The following TESC variants were observed in gnomAD, a reference collection of about 807,000 sequenced individuals.
TESC encodes the protein tescalcin.
A neutral mutation model predicts 31.0 loss-of-function variants in TESC; 19 were observed. The ratio of observed to expected loss-of-function variants is 0.61; its 90% CI spans 0.43 to 0.90. TESC has a LOEUF of 0.90. Ranked by LOEUF, TESC falls within the 40% of genes least tolerant of loss-of-function variation. TESC has a pLI of 0.00. For missense variants in TESC, 248 were observed against 303.8 expected (o/e 0.82, Z 1.36); for synonymous variants, 109 against 114.8 (o/e 0.95, Z 0.32).
At chr12:117,058,887 T>C (rs1007739257) in intron 2 of TESC, among the ~76,000 whole-genome samples, 1 of 152,072 alleles carries the variant, frequency 6.6e-6, no homozygotes, top group African/African-American at 2.4e-5. Context: ...AGCCACTCCC[T>C]CACCTGCCTG....
At chr12:117,093,961 G>A (rs1955355020) in intron 1 of TESC, among the ~76,000 whole-genome samples, 1 of 151,954 alleles carries the variant, frequency 6.6e-6, no homozygotes, top group African/African-American at 2.4e-5. Flanking sequence ...CAGGAAGTGG[G>A]GCCAGCTCAA....
Position 117,056,811 on chromosome 12 carries a change from G to C in TESC, c.204C>G (p.Asp68Glu). The C allele has an allele frequency of 6.2e-7, 1 of 1,614,182 alleles. No homozygotes were observed. ...GTTCAGGGGAAAACGCCCACCTGTT[G>C]TCGAAGAAGGCACGAACAATTTTGG... ...IRSKIVRAFF[D>E]NRNLRKGPSG... Residue 68 changes from aspartate (D) to glutamate (E), a missense_variant, in exon 3 of 8, where the codon GAC becomes GAG. Physicochemically the swap from Asp to Glu is conservative, Grantham distance 45. Coordinates refer to ENST00000335209, the MANE Select transcript of TESC (RefSeq NM_017899.4).
Position 117,075,360 on chromosome 12 carries a change from G to C in TESC, c.59-20C>G. ...ATGAGACTGAGAAGTGGGGGAAAGAGAGAAAAACAAGACAGAAAAAAAAAT... is the reference window on the plus strand; with the variant it reads ...ATGAGACTGAGAAGTGGGGGAAAGACAGAAAAACAAGACAGAAAAAAAAAT... On this transcript the variant is annotated intron_variant, in intron 1 of 7. Coordinates refer to ENST00000335209, the MANE Select transcript of TESC (RefSeq NM_017899.4). 2 of 1,604,298 alleles carry C rather than the reference G, an allele frequency of 1.2e-6. No individual in the cohort carries two copies. Among genetic ancestry groups the C allele is most frequent in the Admixed American group, 1.7e-5 (1 of 59,816 alleles).
intron 7 of TESC, among the ~76,000 whole-genome samples, chr12:117,041,201 A>G (rs1954478718): frequency 6.6e-6 from 1 of 152,216 alleles, no homozygotes. Flanking sequence ...CGGCCGCTTT[A>G]CGAAAGTGTC....
chr12:117,060,430 C>G (rs182027541), intron 2 of TESC, among the ~76,000 whole-genome samples: 1 of 152,154 alleles, frequency 6.6e-6, no homozygotes, highest in African/African-American at 2.4e-5. Flanking sequence ...CCTCACTGCT[C>G]GGAGACAGCT....
In TESC at chr12:117,099,310, C is replaced by A; in HGVS notation, c.-28G>T. 1 of 1,420,994 alleles carries A rather than the reference C, an allele frequency of 7.0e-7. No individual in the cohort carries two copies. Among genetic ancestry groups the A allele is most frequent in the South Asian group, 1.4e-5 (1 of 70,152 alleles). The allele number at this position is 1,420,994 out of a possible 1,614,324, so 88.0% of individuals were successfully genotyped here. A position where few individuals can be genotyped will look rare whatever the true frequency, so the allele number is the denominator to read the frequency against. On this transcript the variant is annotated 5_prime_UTR_variant, in exon 1 of 8. Coordinates refer to ENST00000335209, the MANE Select transcript of TESC (RefSeq NM_017899.4). Reference sequence around the variant, plus strand: ...TGCCCGCGGCGGGGGCCCCGGGGCGCGCGTCCCTCTCAGGCCCCGCACTGG... The same window carrying A: ...TGCCCGCGGCGGGGGCCCCGGGGCGAGCGTCCCTCTCAGGCCCCGCACTGG...
chr12:117,086,879 G>A (rs141745579), intron 1 of TESC, among the ~76,000 whole-genome samples: 1 of 152,352 alleles, frequency 6.6e-6, no homozygotes, highest in East Asian at 1.9e-4. Context: ...TGTTCCCTAA[G>A]TAATCCTGTG....
chr12:117,069,019 GA>G (rs1423929683), intron 2 of TESC, among the ~76,000 whole-genome samples: 1 of 152,152 alleles, frequency 6.6e-6, no homozygotes, highest in Non-Finnish European at 1.5e-5. Context: ...CTGCTAGATG[GA>G]AAATTTCTGA....
At chr12:117,045,658 T>G (rs1954547084) in intron 6 of TESC, among the ~76,000 whole-genome samples, 1 of 152,174 alleles carries the variant, frequency 6.6e-6, no homozygotes, top group East Asian at 1.9e-4. Context: ...CTCATGTCCC[T>G]CAAGGACAGG....
chr12:117,050,161 T>G (rs1411800430), intron 3 of TESC, among the ~76,000 whole-genome samples: 1 of 152,008 alleles, frequency 6.6e-6, no homozygotes, highest in South Asian at 2.1e-4. Context: ...AGTCGAATAG[T>G]ATTTCATGAC....
intron 2 of TESC, among the ~76,000 whole-genome samples, chr12:117,065,093 G>A (rs1954857085): frequency 1.3e-5 from 2 of 152,238 alleles, no homozygotes. Context: ...ACACTGAGAG[G>A]CCTCAGCGGA....
rs768015810 is a variant in TESC at position 117,048,847 on chromosome 12, G to A, written c.349+172C>T. The A allele has an allele frequency of 5.9e-5, 60 of 1,013,354 alleles. No individual in the cohort carries two copies. In the African/African-American group the frequency reaches 6.0e-4, roughly 10 times the overall value. The allele number at this position is 1,013,354 out of a possible 1,614,324, so 62.8% of individuals were successfully genotyped here. A position where few individuals can be genotyped will look rare whatever the true frequency, so the allele number is the denominator to read the frequency against. The stretch of plus-strand genomic sequence containing the variant: ...TGTTTAGGATGAAGGTGCCGGGAAC[G>A]GGAGACAGCAATGCCAGCCTCACAG... On this transcript the variant is annotated intron_variant, in intron 4 of 7. Transcript: ENST00000335209.
At chr12:117,089,028 C>A (rs990337468) in intron 1 of TESC, among the ~76,000 whole-genome samples, 6 of 152,202 alleles carry the variant, frequency 3.9e-5, no homozygotes, top group Admixed American at 1.3e-4. Flanking sequence ...CTCTAAAAAG[C>A]TGAAATACAA....
At chr12:117,091,227 C>A (rs12371881) in intron 1 of TESC, among the ~76,000 whole-genome samples, 22,569 of 152,246 alleles carry the variant, frequency 0.15, 1,813 homozygotes, top group Middle Eastern at 0.21. Context: ...GGCCCTCACC[C>A]TGTACAGTCA....
At chr12:117,090,656 C>G (rs12231268) in intron 1 of TESC, among the ~76,000 whole-genome samples, 34,429 of 152,136 alleles carry the variant, frequency 0.23, 4,705 homozygotes, top group African/African-American at 0.39. Context: ...AAACCCACAT[C>G]TATCTGCTGG....
chr12:117,097,707 G>A (rs147377226), intron 1 of TESC, among the ~76,000 whole-genome samples: 10 of 152,078 alleles, frequency 6.6e-5, no homozygotes, highest in East Asian at 1.9e-4. Flanking sequence ...AAACGTTTAC[G>A]GAGAAAAAGC....
rs190362187 is a variant in TESC, at chr12:117,055,856, C to T, written c.209+950G>A. 1.2e-4 allele frequency among the ~76,000 whole-genome samples: 18 copies of T among 152,174 alleles called. No homozygotes were observed. In the East Asian group the frequency reaches 3.3e-3, roughly 28 times the overall value. On this transcript the variant is annotated intron_variant, in intron 3 of 7. Transcript: ENST00000335209. Reference sequence around the variant, plus strand: ...CCCCCAGCTAATTTGCACCCAGGTTCCTTTCCTGACCCAAAGAAATGGTGA... The same window carrying T: ...CCCCCAGCTAATTTGCACCCAGGTTTCTTTCCTGACCCAAAGAAATGGTGA...
At position 117,075,903 on chromosome 12, in the gene TESC, A is replaced by ATGTG. The variant is rs1401695484; in HGVS notation, c.59-564_59-563insCACA. On this transcript the variant is annotated intron_variant, in intron 1 of 7. Transcript: ENST00000335209. ...TATATATATATATATATATATATAT[A>ATGTG]TATATATATATGTGTGTGTGTATAT... 4.7e-4 allele frequency among the ~76,000 whole-genome samples: 39 copies of ATGTG among 82,758 alleles called. 3 individuals carry two copies. Among genetic ancestry groups the ATGTG allele is most frequent in the African/African-American group, 3.1e-3 (37 of 11,946 alleles). 54.3% of individuals were successfully genotyped at this position (82,758 alleles called of 152,430 possible). A position where few individuals can be genotyped will look rare whatever the true frequency, so the allele number is the denominator to read the frequency against.
chr12:117,057,682 T>C (rs1954744601), intron 2 of TESC, among the ~76,000 whole-genome samples: 2 of 152,196 alleles, frequency 1.3e-5, no homozygotes, highest in Non-Finnish European at 2.9e-5. Flanking sequence ...ACAGCAGCAT[T>C]GCTCACCCGT....
Sources: gnomAD v4.1 joint callset for allele counts (sites outside exome capture counted in the v4.1 genomes callset) on GRCh38, gnomAD v4.1.1 for gene constraint, MANE v1.5 for transcripts, NCBI Gene and HGNC (gene_info 2026-07-23, HGNC 2026-07-21) for gene names.